The following ARSG variants were observed in gnomAD, a reference collection of about 807,000 sequenced individuals.
The protein encoded by ARSG is arylsulfatase G.
ARSG carries 37 observed loss-of-function variants against 50.5 expected under a neutral mutation model. The observed-to-expected ratio is 0.73, with a 90% CI of 0.56 to 0.96. The LOEUF is 0.96. ARSG is among the 50% of genes least tolerant of loss of function. ARSG has a pLI of 0.00. For synonymous variants in ARSG, 225 were observed against 254.6 expected, an observed-to-expected ratio of 0.88 and a Z score of 1.11; for missense variants, 629 against 675.3, an observed-to-expected ratio of 0.93 and a Z score of 0.76.
At chr17:68,303,551 C>T (rs531788715) in intron 1 of ARSG, among the ~76,000 whole-genome samples, 16 of 152,246 alleles carry the variant, frequency 1.1e-4, no homozygotes, top group African/African-American at 2.4e-4. Flanking sequence ...CAGGTTCAAG[C>T]GATTCTCCTG....
At position 68,343,679 on chromosome 17, in the gene ARSG, T is replaced by G; in HGVS notation, c.294T>G (p.Leu98=). 6.2e-7 allele frequency: 1 copy of G among 1,614,202 alleles called. No homozygotes were observed. The highest frequency in any genetic ancestry group is 8.5e-7 in the Non-Finnish European group (1 of 1,180,012). Residue 98 remains leucine (L), a synonymous_variant, in exon 3 of 12, where the codon CTT becomes CTG. Transcript: ENST00000621439. ...RASLLTGRLG[L]RNGVTRNFAV... ...CCTTGCTCACCGGCCGGCTTGGCCT[T>G]CGCAATGGAGTCACACGCAACTTTG...
At chr17:68,314,789 A>C (rs1234982608) in intron 2 of ARSG, among the ~76,000 whole-genome samples, 1 of 152,186 alleles carries the variant, frequency 6.6e-6, no homozygotes, top group Non-Finnish European at 1.5e-5. Context: ...TATGTTAGCT[A>C]TGGTTATTTT....
chr17:68,435,503 A>T, the ARSG span: 1 of 971,180 alleles, frequency 1.0e-6, no homozygotes, highest in Non-Finnish European at 1.6e-6. Context: ...ACAAATTCTG[A>T]GTGGGCCCAG....
intron 8 of ARSG, among the ~76,000 whole-genome samples, chr17:68,374,507 G>A (rs1254441394): frequency 2.0e-5 from 3 of 152,162 alleles, no homozygotes; most frequent in African/African-American, 7.2e-5. Context: ...AGTGAGTCAG[G>A]CTTAAGGATG....
intron 2 of ARSG, among the ~76,000 whole-genome samples, chr17:68,342,086 C>G (rs536976223): frequency 6.6e-6 from 1 of 151,772 alleles, no homozygotes; most frequent in South Asian, 2.1e-4. Context: ...TCCCAAAGTG[C>G]TGGGATTAAA....
chr17:68,319,061 G>A (rs563239293), intron 2 of ARSG, among the ~76,000 whole-genome samples: 1 of 152,330 alleles, frequency 6.6e-6, no homozygotes, highest in South Asian at 2.1e-4. Flanking sequence ...CACTGCAGGG[G>A]ATTGTGATGA....
At chr17:68,419,048 T>A (rs2082580476) in intron 11 of ARSG, among the ~76,000 whole-genome samples, 1 of 147,984 alleles carries the variant, frequency 6.8e-6, no homozygotes, top group Non-Finnish European at 1.5e-5. Flanking sequence ...ATCGGAATCA[T>A]AAAGAGCCAA....
the ARSG span, among the ~76,000 whole-genome samples, chr17:68,440,305 T>G: frequency 6.6e-6 from 1 of 152,210 alleles, no homozygotes; most frequent in African/African-American, 2.4e-5. Context: ...GAATGTATCT[T>G]CGTATCTTGG....
intron 2 of ARSG, among the ~76,000 whole-genome samples, chr17:68,342,987 TACA>T (rs1169478459): frequency 2.0e-5 from 3 of 152,200 alleles, no homozygotes; most frequent in African/African-American, 7.2e-5. Context: ...ATTAAAAACA[TACA>T]ACGTTAGTAA....
At chr17:68,369,160 C>T (rs747595296) in intron 7 of ARSG, among the ~76,000 whole-genome samples, 15 of 152,156 alleles carry the variant, frequency 9.9e-5, no homozygotes, top group African/African-American at 2.9e-4. Context: ...GTGGCCTTAG[C>T]GAGCTGAACT....
At chr17:68,338,565 C>T (rs2078130810) in intron 2 of ARSG, among the ~76,000 whole-genome samples, 1 of 152,128 alleles carries the variant, frequency 6.6e-6, no homozygotes, top group African/African-American at 2.4e-5. Context: ...CTGCATAGTG[C>T]CACGGCCAGG....
chr17:68,351,524 C>A (rs2078759448), intron 4 of ARSG, 51 bp from the exon 5 acceptor site: 1 of 970,026 alleles, frequency 1.0e-6, no homozygotes, highest in Non-Finnish European at 1.7e-6. Context: ...CAAAGGCAAG[C>A]ACATGGAGTC....
At chr17:68,280,058 T>C (rs1050064829) in intron 1 of ARSG, among the ~76,000 whole-genome samples, 2 of 151,608 alleles carry the variant, frequency 1.3e-5, no homozygotes, top group Non-Finnish European at 2.9e-5. Flanking sequence ...GGCAGGCACC[T>C]GTAATCCCAG....
intron 1 of ARSG, among the ~76,000 whole-genome samples, chr17:68,305,024 A>G (rs1465835744): frequency 6.6e-6 from 1 of 152,190 alleles, no homozygotes; most frequent in African/African-American, 2.4e-5. Context: ...AAGTAAAAAA[A>G]TTAGCTGGGC....
intron 6 of ARSG, among the ~76,000 whole-genome samples, chr17:68,359,080 G>A (rs912945582): frequency 6.0e-5 from 9 of 149,748 alleles, no homozygotes; most frequent in Admixed American, 3.3e-4. Flanking sequence ...GGAGAATGGC[G>A]TGAACCCGGG....
At chr17:68,379,438 T>TC (rs1268289412) in intron 8 of ARSG, among the ~76,000 whole-genome samples, 2 of 143,092 alleles carry the variant, frequency 1.4e-5, no homozygotes, top group East Asian at 4.0e-4. Context: ...TTTTTTTTTT[T>TC]TTTTTTTTTT....
chr17:68,273,894 T>TA, intron 1 of ARSG: 6 of 1,609,096 alleles, frequency 3.7e-6, no homozygotes, highest in Non-Finnish European at 5.1e-6. Context: ...ACTAAGTGTC[T>TA]AGACAACTTC....
At chr17:68,408,862 T>A (rs1457988263) in intron 11 of ARSG, among the ~76,000 whole-genome samples, 1 of 151,980 alleles carries the variant, frequency 6.6e-6, no homozygotes, top group African/African-American at 2.4e-5. Context: ...GATTTGCATT[T>A]CTCTGATGGC....
chr17:68,437,010 A>ATGTGTGTGTT, the ARSG span, among the ~76,000 whole-genome samples: 1 of 77,910 alleles, frequency 1.3e-5, no homozygotes, highest in Non-Finnish European at 2.7e-5. Flanking sequence ...AAAAAAATAT[A>ATGTGTGTGTT]TATATATGTG....
Sources: gnomAD v4.1 joint callset for allele counts (sites outside exome capture counted in the v4.1 genomes callset) on GRCh38, gnomAD v4.1.1 for gene constraint, MANE v1.5 for transcripts, NCBI Gene and HGNC (gene_info 2026-07-23, HGNC 2026-07-21) for gene names.